The following CRYAB variants were observed in gnomAD, a reference collection of about 807,000 sequenced individuals.
The protein encoded by CRYAB is alpha-crystallin B chain.
A neutral mutation model predicts 12.7 loss-of-function variants in CRYAB; 9 were observed. That is an observed-to-expected ratio of 0.71 (90% CI 0.43 to 1.24). The LOEUF (loss-of-function observed/expected upper bound fraction) is 1.24, where lower values mean the gene tolerates loss of function less well. Ranked by LOEUF, CRYAB falls within the 50% of genes most tolerant of loss-of-function variation. CRYAB has a pLI of 0.00. For missense variants in CRYAB, 183 were observed against 226.6 expected (o/e 0.81, Z 1.24); for synonymous variants, 93 against 86.8 (o/e 1.07, Z -0.40).
chr11:111,913,205 C>A (rs1965526777), upstream of CRYAB: 2 of 599,248 alleles, frequency 3.3e-6, no homozygotes, highest in East Asian at 5.6e-5. Context: ...TTTGGTGCCT[C>A]CTCCTCCTCC....
upstream of CRYAB, chr11:111,912,596 G>A: frequency 1.7e-6 from 1 of 575,896 alleles, no homozygotes; most frequent in Non-Finnish European, 3.1e-6. Flanking sequence ...GACAGCTGAA[G>A]AGTGTGCGGG....
At chr11:111,918,596 T>A (rs1372445427) in intron 1 of CRYAB, 2 of 640,196 alleles carry the variant, frequency 3.1e-6, no homozygotes, top group African/African-American at 1.8e-5. Flanking sequence ...CACTCATCTA[T>A]TATAGAGGAT....
rs1029108489 is a variant in CRYAB at position 111,910,350 on chromosome 11, G to T, written c.301C>A (p.His101Asn). The change falls in exon 2 of 3, where the codon CAT becomes AAT. Residue 101 changes from histidine to asparagine, a missense_variant. Around this residue, in one of 3 missense-constraint regions of CRYAB, gnomAD observed 95 missense variants for 112.5 expected, o/e 0.84. Transcript: ENST00000650687. The stretch of plus-strand genomic sequence containing the variant: ...ACCTGGCGCTCTTCATGTTTTCCAT[G>T]CACCTCAATCACATCTCCCAACACC... The part of the protein sequence containing the change: ...VKVLGDVIEV[H>N]GKHEERQDEH... 3.1e-6 allele frequency: 5 copies of T among 1,614,078 alleles called. No individual in the cohort carries two copies. The highest frequency in any genetic ancestry group is 2.7e-5 in the African/African-American group (2 of 74,920).
chr11:111,908,973 C>A lies in CRYAB; in HGVS notation c.325-6G>T, dbSNP rs376641676. The A allele has an allele frequency of 5.6e-6, 9 of 1,613,824 alleles. No individual in the cohort carries two copies. The highest frequency in any genetic ancestry group is 7.6e-6 in the Non-Finnish European group (9 of 1,179,952). On this transcript the variant is annotated splice_polypyrimidine_tract_variant and splice_region_variant and intron_variant, in intron 2 of 2. Coordinates refer to ENST00000650687, the MANE Select transcript of CRYAB (RefSeq NM_001289808.2). ...GAGATGAAACCATGTTCATCCTAAC[C>A]CAAAAGAATGAGGAAAGAGGCAGAG...
chr11:111,920,482 G>A (rs1358011098), intron 1 of CRYAB, among the ~76,000 whole-genome samples: 1 of 152,088 alleles, frequency 6.6e-6, no homozygotes, highest in Non-Finnish European at 1.5e-5. Flanking sequence ...AGGTTGCAGT[G>A]AGCTGAGATT....
chr11:111,909,878 C>T, intron 2 of CRYAB: 2 of 458,002 alleles, frequency 4.4e-6, no homozygotes, highest in Non-Finnish European at 7.9e-6. Context: ...TGGTTCTCAA[C>T]CTTGACTGTA....
intron 1 of CRYAB, among the ~76,000 whole-genome samples, chr11:111,921,209 T>G (rs1177226786): frequency 6.6e-6 from 1 of 152,260 alleles, no homozygotes; most frequent in Non-Finnish European, 1.5e-5. Flanking sequence ...ATTCAAGTCC[T>G]GCCCTACTAC....
upstream of CRYAB, among the ~76,000 whole-genome samples, chr11:111,917,283 G>A (rs1442431002): frequency 2.0e-5 from 3 of 152,184 alleles, no homozygotes; most frequent in East Asian, 5.8e-4. Flanking sequence ...TAGGTGATAG[G>A]AAATCATTAA....
chr11:111,909,369 G>T, intron 2 of CRYAB: 1 of 333,760 alleles, frequency 3.0e-6, no homozygotes, highest in South Asian at 2.3e-5. Context: ...CAATAGGACT[G>T]CTGCTGAAAT....
upstream of CRYAB, among the ~76,000 whole-genome samples, chr11:111,915,519 A>G (rs1179895799): frequency 6.6e-6 from 1 of 152,230 alleles, no homozygotes; most frequent in Non-Finnish European, 1.5e-5. Flanking sequence ...AAATAATAAG[A>G]AAAGGATTCT....
chr11:111,912,687 C>CCCCCCACGG, upstream of CRYAB: 1 of 530,720 alleles, frequency 1.9e-6, no homozygotes, highest in South Asian at 1.9e-5. Flanking sequence ...CCCCTCCCCC[C>CCCCCCACGG]CCAAGAGGCT....
chr11:111,909,095 A>G, intron 2 of CRYAB, 128 bp from the exon 3 acceptor site: 1 of 922,916 alleles, frequency 1.1e-6, no homozygotes, highest in Non-Finnish European at 1.7e-6. Context: ...GGAAAAATAA[A>G]TAGAGCTTCG....
At chr11:111,909,493 G>A (rs782156334) in intron 2 of CRYAB, among the ~76,000 whole-genome samples, 1 of 152,138 alleles carries the variant, frequency 6.6e-6, no homozygotes, top group South Asian at 2.1e-4. Flanking sequence ...ACTGGTTGAC[G>A]CACAGGTTCT....
chr11:111,920,589 C>G (rs1965678252), intron 1 of CRYAB, among the ~76,000 whole-genome samples: 1 of 151,102 alleles, frequency 6.6e-6, no homozygotes, highest in South Asian at 2.1e-4. Context: ...CATAGGGTGG[C>G]CCCATCTCTA....
chr11:111,912,934 G>T (rs1310625169), upstream of CRYAB: 2 of 1,579,444 alleles, frequency 1.3e-6, no homozygotes, highest in East Asian at 2.3e-5. Flanking sequence ...GTATGGCACA[G>T]ACACCACCCC....
intron 1 of CRYAB, chr11:111,918,672 T>A: frequency 1.5e-6 from 1 of 683,100 alleles, no homozygotes. Context: ...CCCTTTTCTA[T>A]CTCAGGTTTC....
chr11:111,912,838 C>G (rs1417396308), upstream of CRYAB: 2 of 1,602,204 alleles, frequency 1.2e-6, no homozygotes, highest in Non-Finnish European at 1.7e-6. Flanking sequence ...CCATGTCGGG[C>G]CGCTCAGTGC....
chr11:111,916,778 C>G (rs587690694), upstream of CRYAB, among the ~76,000 whole-genome samples: 1 of 152,138 alleles, frequency 6.6e-6, no homozygotes, highest in Non-Finnish European at 1.5e-5. Flanking sequence ...GTCTATTCCT[C>G]TATTGATTTC....
At chr11:111,913,457 G>C (rs145827670), upstream of CRYAB, 2 of 1,609,532 alleles carry the variant, frequency 1.2e-6, no homozygotes, top group African/African-American at 1.3e-5. Context: ...TGCCAGAAGA[G>C]ATCCTGACCC....
Sources: allele counts gnomAD v4.1 joint callset (sites outside exome capture counted in the v4.1 genomes callset), GRCh38; gene constraint gnomAD v4.1.1; regional missense constraint gnomAD v4.1.1; transcripts MANE v1.5; gene names NCBI Gene and HGNC (gene_info 2026-07-23, HGNC 2026-07-21).